KCNIP1: variants seen among roughly 807,000 people sequenced by gnomAD.
The protein encoded by KCNIP1 is A-type potassium channel modulatory protein KCNIP1.
KCNIP1 carries 18 observed loss-of-function variants against 33.0 expected under a neutral mutation model. The observed-to-expected ratio is 0.55, with a 90% confidence interval of 0.38 to 0.81. KCNIP1 has a LOEUF of 0.81. Ranked by LOEUF, KCNIP1 falls within the 30% of genes least tolerant of loss-of-function variation. KCNIP1 has a pLI of 0.00. For missense variants in KCNIP1, 238 were observed against 271.6 expected, an observed-to-expected ratio of 0.88 and a Z score of 0.87; for synonymous variants, 93 against 98.3, an observed-to-expected ratio of 0.95 and a Z score of 0.32.
rs1764221174 is a variant in KCNIP1 at position 170,731,982 on chromosome 5, T to TTAGAGGAGACTA, written c.436-817_436-816insAGAGGAGACTAT. On this transcript the variant is annotated intron_variant, in intron 5 of 7. Coordinates refer to ENST00000328939, the MANE Select transcript of KCNIP1 (RefSeq NM_014592.4). ...CATGTTAATTTCCTGGGTTTGGTCA[T>TTAGAGGAGACTA]TGTGCTCTGGTTATGCAAGTTGTTA... Among the ~76,000 whole-genome samples the TTAGAGGAGACTA allele has an allele frequency of 3.9e-5, 6 of 152,082 alleles. No individual in the cohort carries two copies. In the South Asian group the frequency reaches 1.2e-3, roughly 32 times the overall value.
At chr5:170,486,024 CT>C (rs2113184278) in intron 1 of KCNIP1, 1 of 152,586 alleles carries the variant, frequency 6.6e-6, no homozygotes, top group African/African-American at 2.4e-5. Flanking sequence ...TACCTTTCTC[CT>C]CTTCCTCCTC....
chr5:170,694,211 A>G (rs899222022), intron 1 of KCNIP1, among the ~76,000 whole-genome samples: 1 of 152,230 alleles, frequency 6.6e-6, no homozygotes, highest in African/African-American at 2.4e-5. Context: ...AATTAATAAT[A>G]GATAATACAT....
intron 1 of KCNIP1, among the ~76,000 whole-genome samples, chr5:170,694,450 C>T (rs1444313908): frequency 6.6e-6 from 1 of 152,104 alleles, no homozygotes; most frequent in Non-Finnish European, 1.5e-5. Context: ...CCCCTTCTGT[C>T]ATCACAGAGA....
At chr5:170,425,562 G>T (rs1755594668) in intron 1 of KCNIP1, among the ~76,000 whole-genome samples, 1 of 152,182 alleles carries the variant, frequency 6.6e-6, no homozygotes, top group South Asian at 2.1e-4. Context: ...GCAAAGCTGA[G>T]TCTAAAGGAT....
chr5:170,666,798 G>C (rs1761718925), intron 1 of KCNIP1, among the ~76,000 whole-genome samples: 1 of 152,166 alleles, frequency 6.6e-6, no homozygotes, highest in Non-Finnish European at 1.5e-5. Context: ...CAGGTGGTCT[G>C]CTCGCTGGGC....
chr5:170,357,288 A>G (rs1763374503), intron 1 of KCNIP1, among the ~76,000 whole-genome samples: 1 of 152,200 alleles, frequency 6.6e-6, no homozygotes, highest in Non-Finnish European at 1.5e-5. Flanking sequence ...ATGGAATTAC[A>G]ATACCCTTCT....
chr5:170,381,506 C>T (rs1314454127), intron 1 of KCNIP1, among the ~76,000 whole-genome samples: 1 of 152,224 alleles, frequency 6.6e-6, no homozygotes, highest in Non-Finnish European at 1.5e-5. Flanking sequence ...CACTTGAACC[C>T]CTATGATGGA....
intron 1 of KCNIP1, among the ~76,000 whole-genome samples, chr5:170,676,707 G>A (rs987750967): frequency 3.9e-5 from 6 of 152,176 alleles, no homozygotes; most frequent in Admixed American, 3.9e-4. Context: ...ATGTCACACT[G>A]CACATGTGTT....
intron 1 of KCNIP1, among the ~76,000 whole-genome samples, chr5:170,583,499 G>A (rs911527452): frequency 5.3e-5 from 8 of 152,148 alleles, no homozygotes; most frequent in Non-Finnish European, 1.0e-4. Context: ...CATGGGTCTT[G>A]GAAATCACAG....
At chr5:170,407,446 T>A (rs58851670) in intron 1 of KCNIP1, among the ~76,000 whole-genome samples, 39 of 152,242 alleles carry the variant, frequency 2.6e-4, no homozygotes, top group Admixed American at 9.2e-4. Context: ...AACAAAAAAA[T>A]TTTTTTAAAT....
chr5:170,599,771 C>T (rs145161397), intron 1 of KCNIP1, among the ~76,000 whole-genome samples: 1 of 152,354 alleles, frequency 6.6e-6, no homozygotes, highest in East Asian at 1.9e-4. Flanking sequence ...ATATCCTCTC[C>T]TCTTCCCCCT....
chr5:170,673,248 A>C (rs1267823265), intron 1 of KCNIP1, among the ~76,000 whole-genome samples: 2 of 152,252 alleles, frequency 1.3e-5, no homozygotes, highest in East Asian at 3.8e-4. Flanking sequence ...GACACAGTTA[A>C]AGTGAGACAA....
At chr5:170,358,240 T>A (rs1763399695) in intron 1 of KCNIP1, among the ~76,000 whole-genome samples, 1 of 152,138 alleles carries the variant, frequency 6.6e-6, no homozygotes, top group Non-Finnish European at 1.5e-5. Context: ...GAGCTTCTAG[T>A]GTCCTCCAGG....
chr5:170,386,432 G>A (rs1038973581), intron 1 of KCNIP1, among the ~76,000 whole-genome samples: 2 of 152,176 alleles, frequency 1.3e-5, no homozygotes, highest in Non-Finnish European at 2.9e-5. Flanking sequence ...AATTTCTGTC[G>A]TTTGAGGCCG....
chr5:170,584,762 T>C (rs1334889590), intron 1 of KCNIP1, among the ~76,000 whole-genome samples: 2 of 152,114 alleles, frequency 1.3e-5, no homozygotes, highest in Admixed American at 1.3e-4. Context: ...TGAATTTCAG[T>C]TTTATTTTCA....
At chr5:170,530,374 T>C (rs1755744124) in intron 1 of KCNIP1, among the ~76,000 whole-genome samples, 1 of 152,236 alleles carries the variant, frequency 6.6e-6, no homozygotes, top group African/African-American at 2.4e-5. Context: ...CCAGTAATAC[T>C]ATGATGCTGA....
chr5:170,578,247 G>GGA (rs1757672220), intron 1 of KCNIP1, among the ~76,000 whole-genome samples: 1 of 152,156 alleles, frequency 6.6e-6, no homozygotes. Flanking sequence ...TGAGAACAGT[G>GGA]GAAAGGCTAC....
At chr5:170,566,573 A>C (rs1244141878) in intron 1 of KCNIP1, among the ~76,000 whole-genome samples, 1 of 152,148 alleles carries the variant, frequency 6.6e-6, no homozygotes, top group Non-Finnish European at 1.5e-5. Context: ...ATGCCACCAC[A>C]TGTCCCTCAG....
intron 1 of KCNIP1, among the ~76,000 whole-genome samples, chr5:170,497,690 C>T (rs1462095209): frequency 6.6e-6 from 1 of 152,228 alleles, no homozygotes; most frequent in African/African-American, 2.4e-5. Context: ...ATCTGCCTTG[C>T]GCCAAGCATA....
Sources: gnomAD v4.1 joint callset for allele counts (sites outside exome capture counted in the v4.1 genomes callset) on GRCh38, gnomAD v4.1.1 for gene constraint, MANE v1.5 for transcripts, NCBI Gene and HGNC (gene_info 2026-07-23, HGNC 2026-07-21) for gene names.